Variants in TET1 observed in about 807,000 individuals in gnomAD.
TET1 encodes the protein tet methylcytosine dioxygenase 1.
In TET1, 13 loss-of-function variants were observed where a neutral mutation model predicts 148.7. The observed-to-expected ratio is 0.09, with a 90% CI of 0.06 to 0.14. The LOEUF (loss-of-function observed/expected upper bound fraction) is 0.14, where lower values mean the gene tolerates loss of function less well. Among genes scored for constraint, TET1 ranks in the 10% least tolerant of loss-of-function variants. The probability of loss-of-function intolerance (pLI) is 1.00; values close to 1 mark genes in which losing one functional copy is unlikely to be tolerated. For synonymous variants in TET1, 907 were observed against 937.2 expected (o/e 0.97, Z 0.59); for missense variants, 2,182 against 2,553.8 (o/e 0.85, Z 3.14).
At chr10:68,611,841 T>TG (rs1308776548) in intron 3 of TET1, among the ~76,000 whole-genome samples, 30 of 10,338 alleles carry the variant, frequency 2.9e-3, no homozygotes, top group Admixed American at 6.9e-3. Context: ...GCTCGGGAGG[T>TG]GGGGGGGGTG....
intron 5 of TET1, 133 bp downstream of exon 5, chr10:68,652,069 A>G (rs2054943524): frequency 1.2e-6 from 1 of 814,976 alleles, no homozygotes; most frequent in Admixed American, 2.9e-5. Flanking sequence ...CTTAGGGCCC[A>G]ACAAAAGAGG....
At chr10:68,565,778 T>C (rs1019512620) in intron 1 of TET1, among the ~76,000 whole-genome samples, 5 of 152,222 alleles carry the variant, frequency 3.3e-5, no homozygotes, top group Admixed American at 2.0e-4. Flanking sequence ...GTTTCAATAG[T>C]GGAGCCATGA....
intron 3 of TET1, among the ~76,000 whole-genome samples, chr10:68,622,299 C>T (rs1190806832): frequency 2.7e-5 from 4 of 146,006 alleles, no homozygotes; most frequent in East Asian, 2.2e-4. Context: ...CTTGCTCTGT[C>T]GCCCAGTCTG....
chr10:68,627,899 G>A (rs1331619346), intron 3 of TET1, among the ~76,000 whole-genome samples: 2 of 152,070 alleles, frequency 1.3e-5, no homozygotes, highest in East Asian at 1.9e-4. Context: ...TCGCACCACT[G>A]CACTCCAGCC....
At chr10:68,561,725 G>T (rs2795909) in intron 1 of TET1, among the ~76,000 whole-genome samples, 1 of 146,032 alleles carries the variant, frequency 6.8e-6, no homozygotes, top group South Asian at 2.2e-4. Context: ...TCCGGTCCCC[G>T]CCTCTCTCGC....
chr10:68,591,586 A>C (rs544143165), intron 2 of TET1, among the ~76,000 whole-genome samples: 26 of 152,282 alleles, frequency 1.7e-4, no homozygotes, highest in South Asian at 1.5e-3. Context: ...TTTCTGAATA[A>C]CTGGTCTCAT....
intron 3 of TET1, among the ~76,000 whole-genome samples, chr10:68,628,974 C>G (rs548526209): frequency 1.3e-5 from 2 of 152,280 alleles, no homozygotes; most frequent in Admixed American, 1.3e-4. Flanking sequence ...TCATTTCAAT[C>G]AATTTAAATT....
intron 3 of TET1, among the ~76,000 whole-genome samples, chr10:68,607,490 T>C (rs1016126754): frequency 6.6e-6 from 1 of 151,676 alleles, no homozygotes; most frequent in Non-Finnish European, 1.5e-5. Context: ...TGGTGTGGAG[T>C]GGCACAATCT....
rs558012259 is a variant in TET1 at position 68,606,235 on chromosome 10, C to T, written c.1968+5201C>T. ...TACAAATATTCGCCAGGTGTGGTGG[C>T]AGGTGCCTGTAATCGCAGCTAATTG... On this transcript the variant is annotated intron_variant, in intron 3 of 11. Transcript: ENST00000373644. 2.0e-5 allele frequency among the ~76,000 whole-genome samples: 3 copies of T among 151,292 alleles called. No homozygotes were observed. The South Asian group carries it at 6.3e-4, about 32-fold the overall frequency.
rs2053684263 is a variant in TET1, at chr10:68,572,725, A to G, written c.387A>G (p.Pro129=). The change falls in exon 2 of 12, where the codon CCA becomes CCG. Residue 129 remains proline, a synonymous_variant. Transcript: ENST00000373644. ...PLVVAKSKKV[P]LSKGLEKQHD... The stretch of plus-strand genomic sequence containing the variant: ...TCGTAGCCAAATCCAAAAAGGTTCC[A>G]CTTTCTAAGGGTTTAGAAAAGCAAC... The G allele has an allele frequency of 1.2e-5, 20 of 1,614,122 alleles. No individual in the cohort carries two copies. Among genetic ancestry groups the G allele is most frequent in the Non-Finnish European group, 1.6e-5 (19 of 1,180,026 alleles).
intron 10 of TET1, among the ~76,000 whole-genome samples, chr10:68,685,909 A>G (rs1011005124): frequency 1.3e-5 from 2 of 152,306 alleles, no homozygotes; most frequent in African/African-American, 4.8e-5. Context: ...GAAATCAATT[A>G]TGTCCCTGCT....
chr10:68,608,354 A>G (rs758398444), intron 3 of TET1, among the ~76,000 whole-genome samples: 29 of 150,044 alleles, frequency 1.9e-4, no homozygotes, highest in Non-Finnish European at 4.1e-4. Context: ...TCCTACCTCA[A>G]CCTCCCGAGT....
chr10:68,659,463 C>T (rs143950481), intron 6 of TET1, among the ~76,000 whole-genome samples: 3,442 of 152,082 alleles, frequency 0.023, 69 homozygotes, highest in Non-Finnish European at 0.035. Context: ...GGATTACAGG[C>T]GTGTGCCACC....
intron 3 of TET1, among the ~76,000 whole-genome samples, chr10:68,640,174 G>T (rs866032055): frequency 6.6e-6 from 1 of 151,690 alleles, no homozygotes; most frequent in South Asian, 2.1e-4. Flanking sequence ...TGATCCGCCT[G>T]CCTCGACCTC....
chr10:68,673,660 A>G (rs1299201429), intron 8 of TET1, among the ~76,000 whole-genome samples: 1 of 152,136 alleles, frequency 6.6e-6, no homozygotes, highest in Non-Finnish European at 1.5e-5. Context: ...CTAATGTGTT[A>G]TGCTTTGTTT....
At chr10:68,661,196 A>ATTTTTTTTTT (rs974912892) in intron 6 of TET1, among the ~76,000 whole-genome samples, 100 of 78,616 alleles carry the variant, frequency 1.3e-3, no homozygotes, top group East Asian at 1.5e-3. Context: ...CGCCTGGCTA[A>ATTTTTTTTTT]TTTTTTTTTT....
intron 7 of TET1, among the ~76,000 whole-genome samples, chr10:68,671,685 C>G (rs1218548195): frequency 6.6e-6 from 1 of 152,220 alleles, no homozygotes; most frequent in Admixed American, 6.5e-5. Flanking sequence ...AAGTTATACA[C>G]TTAAGATTTA....
intron 2 of TET1, 102 bp downstream of exon 2, chr10:68,574,354 A>G (rs1476580461): frequency 1.1e-6 from 1 of 897,744 alleles, no homozygotes; most frequent in East Asian, 2.6e-5. Flanking sequence ...GTAATAGTGA[A>G]TTGCTTCACT....
intron 3 of TET1, among the ~76,000 whole-genome samples, chr10:68,610,977 G>A (rs2054201005): frequency 6.6e-6 from 1 of 152,122 alleles, no homozygotes; most frequent in Non-Finnish European, 1.5e-5. Flanking sequence ...ACAAGTAAAG[G>A]TGTAATTTAT....
Sources: allele counts gnomAD v4.1 joint callset (sites outside exome capture counted in the v4.1 genomes callset), GRCh38; gene constraint gnomAD v4.1.1; transcripts MANE v1.5; gene names NCBI Gene and HGNC (gene_info 2026-07-23, HGNC 2026-07-21).